Variants in NSG2 observed in about 807,000 individuals in gnomAD.
NSG2 encodes neuronal vesicle trafficking associated 2, also known as neuronal vesicle trafficking-associated protein 2.
Under a neutral mutation model 16.9 loss-of-function variants are expected in NSG2, and 4 were observed. That is an observed-to-expected ratio of 0.24 (90% confidence interval 0.12 to 0.54). The LOEUF (loss-of-function observed/expected upper bound fraction) is 0.54, where lower values mean the gene tolerates loss of function less well. Ranked by LOEUF, NSG2 falls within the 20% of genes least tolerant of loss-of-function variation. The pLI, the probability that NSG2 is intolerant of heterozygous loss-of-function variation, is 0.95. For missense variants in NSG2, 179 were observed against 221.1 expected, an observed-to-expected ratio of 0.81 and a Z score of 1.21; for synonymous variants, 98 against 88.7, an observed-to-expected ratio of 1.11 and a Z score of -0.59.
In NSG2 at chr5:174,088,942, T is replaced by C. The variant is rs1464597994; in HGVS notation, c.214-15286T>C. 7.2e-5 allele frequency among the ~76,000 whole-genome samples: 11 copies of C among 152,282 alleles called. No individual in the cohort carries two copies. In the East Asian group the frequency reaches 2.1e-3, roughly 29 times the overall value. On this transcript the variant is annotated intron_variant, in intron 3 of 4. Transcript: ENST00000303177. ...AGGTGAAGTCACAGTGAAACATACT[T>C]CCTGGCCTGGGAACATGTGGGCTTT...
intron 3 of NSG2, among the ~76,000 whole-genome samples, chr5:174,102,063 A>T (rs753981945): frequency 1.3e-5 from 2 of 152,184 alleles, no homozygotes; most frequent in Non-Finnish European, 2.9e-5. Context: ...GCTTGGGGTA[A>T]TGGAGAGAAT....
At chr5:174,101,157 A>C (rs564728165) in intron 3 of NSG2, among the ~76,000 whole-genome samples, 1 of 152,266 alleles carries the variant, frequency 6.6e-6, no homozygotes, top group South Asian at 2.1e-4. Context: ...GTTCTCTTTG[A>C]GGGGAGGGGA....
At chr5:174,101,861 G>C (rs1446143066) in intron 3 of NSG2, among the ~76,000 whole-genome samples, 1 of 152,062 alleles carries the variant, frequency 6.6e-6, no homozygotes, top group Non-Finnish European at 1.5e-5. Context: ...ATTCAAATAG[G>C]AGTTTCCTAG....
chr5:174,085,337 G>GA (rs1269507120), intron 3 of NSG2, among the ~76,000 whole-genome samples: 1 of 152,044 alleles, frequency 6.6e-6, no homozygotes, highest in Non-Finnish European at 1.5e-5. Context: ...ACACAGCCAG[G>GA]AAATTGTGGA....
In NSG2 at chr5:174,049,078, G is replaced by C. The variant is rs184270150; in HGVS notation, c.129+2194G>C. 1.2e-3 allele frequency among the ~76,000 whole-genome samples: 178 copies of C among 152,292 alleles called. 1 individual carries two copies. Among genetic ancestry groups the C allele is most frequent in the African/African-American group, 3.9e-3 (163 of 41,574 alleles). On this transcript the variant is annotated intron_variant, in intron 2 of 4. Transcript: ENST00000303177. ...CAAGAGGCTGGGCATGGTGGCTCAT[G>C]CCTGTAATCCCAGCACTTTGGGAGG...
At chr5:174,104,071 G>T (rs577926606) in intron 3 of NSG2, among the ~76,000 whole-genome samples, 157 bp from the exon 4 acceptor site, 3 of 152,186 alleles carry the variant, frequency 2.0e-5, no homozygotes, top group African/African-American at 7.2e-5. Context: ...CCCAAAGACT[G>T]CAAGTTAGTA....
At chr5:174,046,554 A>T (rs1759799054) in intron 1 of NSG2, 180 bp from the exon 2 acceptor site, 3 of 575,296 alleles carry the variant, frequency 5.2e-6, no homozygotes, top group Non-Finnish European at 9.1e-6. Context: ...TTTGATGATT[A>T]AAGAAGTTTT....
chr5:174,107,443 C>T lies in NSG2; in HGVS notation c.454C>T (p.Pro152Ser). Residue 152 changes from proline (P) to serine (S), a missense_variant, in exon 5 of 5, where the codon CCG becomes TCG. Coordinates refer to ENST00000303177, the MANE Select transcript of NSG2 (RefSeq NM_015980.5). The surrounding 1 kb of genome is among the most constrained non-coding windows in gnomAD (Gnocchi z 4.5). ...AKQSTARAIG[P>S]WLSAAAVIHE... is the part of the protein sequence containing the mutation. ...GCAGAGCACTGCCCGGGCCATCGGG[C>T]CGTGGCTGTCAGCAGCCGCTGTCAT... 2.5e-6 allele frequency: 4 copies of T among 1,612,380 alleles called. No homozygotes were observed. Among genetic ancestry groups the T allele is most frequent in the Non-Finnish European group, 2.5e-6 (3 of 1,178,866 alleles).
chr5:174,069,114 G>C (rs954188895), intron 3 of NSG2, among the ~76,000 whole-genome samples: 1 of 151,680 alleles, frequency 6.6e-6, no homozygotes, highest in African/African-American at 2.4e-5. Flanking sequence ...CTGATGTCAC[G>C]GTGACCCTGG....
intron 4 of NSG2, 31 bp downstream of exon 4, chr5:174,104,369 TATCAA>T (rs1561677149): frequency 2.0e-6 from 3 of 1,475,600 alleles, no homozygotes; most frequent in Non-Finnish European, 2.8e-6. Flanking sequence ...CCCAGGTCAC[TATCAA>T]ATTCAGTTAG....
chr5:174,108,639 T>A lies in NSG2; in HGVS notation c.*1134T>A, dbSNP rs188219387. 6.6e-6 allele frequency: 1 copy of A among 152,358 alleles called. No individual in the cohort carries two copies. The highest frequency in any genetic ancestry group is 2.4e-5 in the African/African-American group (1 of 41,528). 9.4% of individuals were successfully genotyped at this position (152,358 alleles called of 1,614,324 possible). ...CATTTGTCCAAACTCCCCAACCGAGTTCTAGAAGCTCCTGACAAGGAGGCA... is the reference window on the plus strand; with the variant it reads ...CATTTGTCCAAACTCCCCAACCGAGATCTAGAAGCTCCTGACAAGGAGGCA... On this transcript the variant is annotated 3_prime_UTR_variant, in exon 5 of 5. Coordinates refer to ENST00000303177, the MANE Select transcript of NSG2 (RefSeq NM_015980.5).
intron 3 of NSG2, among the ~76,000 whole-genome samples, chr5:174,079,544 C>T (rs1318622354): frequency 1.3e-5 from 2 of 152,170 alleles, no homozygotes; most frequent in South Asian, 2.1e-4. Flanking sequence ...GCGTGAGCCA[C>T]CATGCCTGGC....
chr5:174,084,573 C>T (rs1484452626), intron 3 of NSG2, among the ~76,000 whole-genome samples: 1 of 152,236 alleles, frequency 6.6e-6, no homozygotes, highest in Non-Finnish European at 1.5e-5. Context: ...TCTGCATCTC[C>T]TGTCCTGCTT....
chr5:174,107,802 G>A lies in NSG2; in HGVS notation c.*297G>A, dbSNP rs1380764925. 2 of 571,768 alleles carry A rather than the reference G, an allele frequency of 3.5e-6. No individual in the cohort carries two copies. The highest frequency in any genetic ancestry group is 3.8e-5 in the East Asian group (1 of 26,324). The allele number at this position is 571,768 out of a possible 1,614,324, so 35.4% of individuals were successfully genotyped here. ...TTTTTAAAGCCACTGCTTATTCTTT[G>A]TTAGGAAAATGTAACAGCAGAAAAG... On this transcript the variant is annotated 3_prime_UTR_variant, in exon 5 of 5. Transcript: ENST00000303177. This position sits in a 1 kb window ranked among gnomAD's most constrained non-coding sequence, Gnocchi z 4.5.
At chr5:174,094,656 G>C (rs1760767344) in intron 3 of NSG2, among the ~76,000 whole-genome samples, 1 of 152,188 alleles carries the variant, frequency 6.6e-6, no homozygotes, top group Non-Finnish European at 1.5e-5. Context: ...GGGCACAGCA[G>C]GCAGACAAAG....
At chr5:174,073,944 G>A in intron 3 of NSG2, among the ~76,000 whole-genome samples, 1 of 152,138 alleles carries the variant, frequency 6.6e-6, no homozygotes, top group East Asian at 1.9e-4. Flanking sequence ...GGGGTGGGCT[G>A]GAGTAACTCA....
chr5:174,107,292 ACT>A lies in NSG2; in HGVS notation c.325-19_325-18del. On this transcript the variant is annotated intron_variant, in intron 4 of 4. Coordinates refer to ENST00000303177, the MANE Select transcript of NSG2 (RefSeq NM_015980.5). The surrounding 1 kb of genome is among the most constrained non-coding windows in gnomAD (Gnocchi z 4.5). ...GGAGCAGTTTGCTGAATGACCCCTG[ACT>A]CTGTCTCTTTCTTCCCCAGCACAAA... 3 of 1,530,648 alleles carry A rather than the reference ACT, an allele frequency of 2.0e-6. No homozygotes were observed. Among genetic ancestry groups the A allele is most frequent in the Non-Finnish European group, 2.6e-6 (3 of 1,133,990 alleles). 94.8% of individuals were successfully genotyped at this position (1,530,648 alleles called of 1,614,324 possible).
chr5:174,066,082 G>A (rs1405681692), intron 3 of NSG2: 13 of 385,230 alleles, frequency 3.4e-5, no homozygotes, highest in South Asian at 1.7e-4. Context: ...AAGCAGCTGC[G>A]TATGTGGCCC....
At chr5:174,088,874 G>A (rs1299075243) in intron 3 of NSG2, among the ~76,000 whole-genome samples, 1 of 152,226 alleles carries the variant, frequency 6.6e-6, no homozygotes, top group Non-Finnish European at 1.5e-5. Flanking sequence ...CTGAGGTCAA[G>A]ACCTGGTTTT....
Sources: allele counts gnomAD v4.1 joint callset (sites outside exome capture counted in the v4.1 genomes callset), GRCh38; gene constraint gnomAD v4.1.1; non-coding constraint Gnocchi (gnomAD v3.1); transcripts MANE v1.5; gene names NCBI Gene and HGNC (gene_info 2026-07-23, HGNC 2026-07-21).